DPP10: variants seen among roughly 807,000 people sequenced by gnomAD.
DPP10 encodes the protein dipeptidyl peptidase like 10.
A neutral mutation model predicts 120.9 loss-of-function variants in DPP10; 33 were observed. That is an observed-to-expected ratio of 0.27 (90% CI 0.21 to 0.37). The LOEUF (loss-of-function observed/expected upper bound fraction) is 0.37. Ranked by LOEUF, DPP10 falls within the 10% of genes least tolerant of loss-of-function variation. The pLI, the probability that DPP10 is intolerant of heterozygous loss-of-function variation, is 1.00. For synonymous variants in DPP10, 337 were observed against 326.1 expected (o/e 1.03, Z -0.36); for missense variants, 816 against 942.8 (o/e 0.87, Z 1.76).
intron 1 of DPP10, among the ~76,000 whole-genome samples, chr2:114,863,641 A>T (rs1051593587): frequency 6.6e-6 from 1 of 152,236 alleles, no homozygotes; most frequent in Non-Finnish European, 1.5e-5. Context: ...GCTTTCATGG[A>T]CTTCTTCATG....
intron 5 of DPP10, among the ~76,000 whole-genome samples, chr2:115,667,337 A>C (rs1324299482): frequency 1.3e-5 from 2 of 150,164 alleles, no homozygotes; most frequent in Non-Finnish European, 3.0e-5. Context: ...CTGTGCAGAA[A>C]CTCTTCAGTT....
chr2:114,557,445 A>G (rs1420661979), intron 1 of DPP10, among the ~76,000 whole-genome samples: 1 of 152,124 alleles, frequency 6.6e-6, no homozygotes, highest in Non-Finnish European at 1.5e-5. Flanking sequence ...AGAAGTGGAG[A>G]CCAACACGCC....
At chr2:115,308,002 A>G (rs2061427597) in intron 1 of DPP10, among the ~76,000 whole-genome samples, 1 of 152,134 alleles carries the variant, frequency 6.6e-6, no homozygotes, top group Non-Finnish European at 1.5e-5. Flanking sequence ...AGAATGAAAG[A>G]CTAACTTAGA....
chr2:115,547,416 G>A (rs1233431054), intron 5 of DPP10, among the ~76,000 whole-genome samples: 1 of 152,096 alleles, frequency 6.6e-6, no homozygotes, highest in Non-Finnish European at 1.5e-5. Flanking sequence ...AAAACAAAAT[G>A]CTTTATCTCA....
At chr2:115,176,725 G>C (rs943114952) in intron 1 of DPP10, among the ~76,000 whole-genome samples, 6 of 152,224 alleles carry the variant, frequency 3.9e-5, no homozygotes, top group African/African-American at 1.4e-4. Context: ...TCACTTCAAA[G>C]ATGAGGAAAT....
chr2:115,480,279 AATGAG>A (rs1235737005), intron 3 of DPP10, among the ~76,000 whole-genome samples: 1 of 152,168 alleles, frequency 6.6e-6, no homozygotes, highest in Non-Finnish European at 1.5e-5. Context: ...ATAAGAATTA[AATGAG>A]ATAAGTATAA....
At chr2:115,146,473 T>C (rs1242858154) in intron 1 of DPP10, among the ~76,000 whole-genome samples, 2 of 152,086 alleles carry the variant, frequency 1.3e-5, no homozygotes, top group Admixed American at 6.6e-5. Context: ...ACTAAAAACA[T>C]TGAGATTATA....
intron 1 of DPP10, among the ~76,000 whole-genome samples, chr2:114,802,483 C>G (rs1476171002): frequency 6.7e-6 from 1 of 150,174 alleles, no homozygotes; most frequent in Non-Finnish European, 1.5e-5. Flanking sequence ...GGATTCTATC[C>G]TCTTCCCTGC....
At chr2:115,227,506 A>G (rs1471800352) in intron 1 of DPP10, among the ~76,000 whole-genome samples, 1 of 152,118 alleles carries the variant, frequency 6.6e-6, no homozygotes, top group Non-Finnish European at 1.5e-5. Flanking sequence ...GCAGCTATAT[A>G]TATCTGCTGC....
chr2:115,229,747 A>G (rs1262262802), intron 1 of DPP10, among the ~76,000 whole-genome samples: 4 of 139,690 alleles, frequency 2.9e-5, no homozygotes, highest in Non-Finnish European at 6.3e-5. Context: ...ATTCTATTCT[A>G]TTCTATTGGT....
chr2:115,363,067 A>G (rs2064877878), intron 3 of DPP10, among the ~76,000 whole-genome samples: 1 of 152,212 alleles, frequency 6.6e-6, no homozygotes, highest in African/African-American at 2.4e-5. Context: ...ACTTGTCAAC[A>G]GCATCTGAAA....
intron 1 of DPP10, among the ~76,000 whole-genome samples, chr2:115,005,914 G>C (rs375375117): frequency 1.3e-5 from 2 of 152,088 alleles, no homozygotes; most frequent in South Asian, 4.1e-4. Context: ...ACACATAATT[G>C]TCAGATTCAC....
chr2:115,480,016 C>G (rs1268817057), intron 3 of DPP10, among the ~76,000 whole-genome samples: 1 of 152,030 alleles, frequency 6.6e-6, no homozygotes, highest in Non-Finnish European at 1.5e-5. Context: ...TGAGAGCTAC[C>G]CCTTCAACTA....
intron 1 of DPP10, among the ~76,000 whole-genome samples, chr2:115,016,999 T>A (rs1398490841): frequency 1.4e-5 from 2 of 142,058 alleles, no homozygotes; most frequent in African/African-American, 5.3e-5. Flanking sequence ...TAGGTAGGAA[T>A]TGAACAATGA....
At chr2:115,709,305 G>A (rs968867269) in intron 7 of DPP10, among the ~76,000 whole-genome samples, 1 of 152,046 alleles carries the variant, frequency 6.6e-6, no homozygotes, top group Non-Finnish European at 1.5e-5. Context: ...AGAATGAGAA[G>A]AATCCCTGAG....
chr2:115,432,959 G>C (rs1373041453), intron 3 of DPP10, among the ~76,000 whole-genome samples: 1 of 151,908 alleles, frequency 6.6e-6, no homozygotes, highest in Non-Finnish European at 1.5e-5. Flanking sequence ...CATCCTTCAT[G>C]ATATAGTGAT....
intron 2 of DPP10, among the ~76,000 whole-genome samples, chr2:115,337,910 A>G (rs2063242297): frequency 6.6e-6 from 1 of 151,958 alleles, no homozygotes; most frequent in South Asian, 2.1e-4. Flanking sequence ...GAATAAAGCC[A>G]AATACATTAA....
chr2:114,609,784 T>C (rs1693133670), intron 1 of DPP10, among the ~76,000 whole-genome samples: 1 of 152,096 alleles, frequency 6.6e-6, no homozygotes, highest in Non-Finnish European at 1.5e-5. Flanking sequence ...AGACTAAACC[T>C]TCAAAGAGCA....
At chr2:115,647,525 G>T (rs766048563) in intron 5 of DPP10, among the ~76,000 whole-genome samples, 9 of 152,036 alleles carry the variant, frequency 5.9e-5, no homozygotes, top group Non-Finnish European at 7.4e-5. Context: ...TGTTGTATTA[G>T]AAATAGTACA....
Sources: allele counts gnomAD v4.1 joint callset (sites outside exome capture counted in the v4.1 genomes callset), GRCh38; gene constraint gnomAD v4.1.1; transcripts MANE v1.5; gene names NCBI Gene and HGNC (gene_info 2026-07-23, HGNC 2026-07-21).